The following ZNF804B variants were observed in gnomAD, a reference collection of about 807,000 sequenced individuals.
ZNF804B encodes zinc finger protein 804B, also known as zinc finger 804B.
Under a neutral mutation model 101.4 loss-of-function variants are expected in ZNF804B, and 80 were observed. That is an observed-to-expected ratio of 0.79 (90% confidence interval 0.66 to 0.95). The LOEUF is 0.95. ZNF804B is among the 40% of genes least tolerant of loss of function. The pLI, the probability that ZNF804B is intolerant of heterozygous loss-of-function variation, is 0.00. For synonymous variants in ZNF804B, 622 were observed against 558.8 expected, an observed-to-expected ratio of 1.11 and a Z score of -1.59; for missense variants, 1,673 against 1,561.9, an observed-to-expected ratio of 1.07 and a Z score of -1.20.
intron 1 of ZNF804B, among the ~76,000 whole-genome samples, chr7:88,846,874 C>T (rs1791380477): frequency 1.3e-5 from 2 of 150,438 alleles, no homozygotes; most frequent in African/African-American, 4.9e-5. Context: ...TGTATATATA[C>T]ACATAAATAT....
intron 1 of ZNF804B, among the ~76,000 whole-genome samples, chr7:88,954,555 G>GC (rs10646255): frequency 0.43 from 64,004 of 148,468 alleles, 13,792 homozygotes; most frequent in East Asian, 0.54. Flanking sequence ...TCTAAAACAT[G>GC]CCCCCCCCCC....
intron 1 of ZNF804B, among the ~76,000 whole-genome samples, chr7:89,152,163 A>G (rs1790887359): frequency 1.3e-5 from 2 of 151,868 alleles, no homozygotes. Context: ...GAATTTTTCC[A>G]TCTATTTTAA....
At chr7:88,947,284 G>A (rs997218603) in intron 1 of ZNF804B, among the ~76,000 whole-genome samples, 4 of 152,038 alleles carry the variant, frequency 2.6e-5, no homozygotes, top group Non-Finnish European at 5.9e-5. Context: ...ATCAGTGATA[G>A]ACCGGATAGA....
intron 2 of ZNF804B, 126 bp downstream of exon 2, chr7:89,218,421 C>A: frequency 8.6e-7 from 1 of 1,162,102 alleles, no homozygotes; most frequent in South Asian, 1.6e-5. Flanking sequence ...GTCTTTTTTC[C>A]CCCCTGGAAA....
At chr7:89,321,879 A>G (rs567075125) in intron 2 of ZNF804B, among the ~76,000 whole-genome samples, 1 of 152,286 alleles carries the variant, frequency 6.6e-6, no homozygotes, top group African/African-American at 2.4e-5. Flanking sequence ...TACCAACACT[A>G]AGTAATAGAA....
intron 1 of ZNF804B, among the ~76,000 whole-genome samples, chr7:89,076,459 C>A (rs1789616429): frequency 1.3e-5 from 2 of 152,290 alleles, no homozygotes; most frequent in East Asian, 3.9e-4. Flanking sequence ...GATTCTGAGT[C>A]CTCCCCAGCC....
intron 1 of ZNF804B, among the ~76,000 whole-genome samples, chr7:89,031,506 T>C (rs1276564873): frequency 6.6e-6 from 1 of 152,094 alleles, no homozygotes; most frequent in East Asian, 1.9e-4. Context: ...TTGAACTTAA[T>C]TTCTAAGTGA....
At chr7:89,308,080 G>C (rs531463141) in intron 2 of ZNF804B, among the ~76,000 whole-genome samples, 1 of 152,076 alleles carries the variant, frequency 6.6e-6, no homozygotes, top group East Asian at 1.9e-4. Flanking sequence ...TCACTTGCAA[G>C]AAAAAAAGTG....
At chr7:89,324,607 CTTTT>C (rs35905388) in intron 2 of ZNF804B, among the ~76,000 whole-genome samples, 1 of 109,564 alleles carries the variant, frequency 9.1e-6, no homozygotes. Context: ...TACCTTCTTA[CTTTT>C]TTTTTTTTTT....
intron 1 of ZNF804B, among the ~76,000 whole-genome samples, chr7:88,770,784 C>A (rs955448605): frequency 5.9e-5 from 9 of 151,894 alleles, no homozygotes; most frequent in African/African-American, 1.9e-4. Flanking sequence ...GAAGAGCTCT[C>A]TGTTCAACAT....
At chr7:89,106,772 T>G (rs1201247965) in intron 1 of ZNF804B, among the ~76,000 whole-genome samples, 2 of 152,090 alleles carry the variant, frequency 1.3e-5, no homozygotes, top group African/African-American at 4.8e-5. Flanking sequence ...TGATATGTTT[T>G]AGAATACAAA....
intron 1 of ZNF804B, among the ~76,000 whole-genome samples, chr7:89,130,311 T>C (rs1445461774): frequency 6.6e-6 from 1 of 151,934 alleles, no homozygotes; most frequent in Non-Finnish European, 1.5e-5. Context: ...AAACAGAAGT[T>C]ACCCAGGAAA....
chr7:89,195,890 C>CA (rs200733795), intron 1 of ZNF804B, among the ~76,000 whole-genome samples: 1 of 63,930 alleles, frequency 1.6e-5, no homozygotes. Flanking sequence ...AACCACTGCT[C>CA]AAAAAATCAG....
chr7:89,327,298 A>G, intron 2 of ZNF804B, 46 bp from the exon 3 acceptor site: 1 of 1,521,894 alleles, frequency 6.6e-7, no homozygotes, highest in Admixed American at 2.2e-5. Flanking sequence ...GGAAAAGAAT[A>G]TATTATTTAT....
intron 1 of ZNF804B, among the ~76,000 whole-genome samples, chr7:88,957,044 A>C (rs1299103733): frequency 6.6e-6 from 1 of 151,500 alleles, no homozygotes; most frequent in Non-Finnish European, 1.5e-5. Flanking sequence ...TTTGAATTGC[A>C]ACTGAATGAA....
intron 1 of ZNF804B, among the ~76,000 whole-genome samples, chr7:89,019,832 C>T (rs1788635117): frequency 6.6e-6 from 1 of 151,926 alleles, no homozygotes; most frequent in South Asian, 2.1e-4. Context: ...CATAACTTCA[C>T]TTTATATGTT....
At chr7:89,293,656 G>A (rs1790333028) in intron 2 of ZNF804B, among the ~76,000 whole-genome samples, 1 of 152,018 alleles carries the variant, frequency 6.6e-6, no homozygotes, top group South Asian at 2.1e-4. Flanking sequence ...CTGGTGGCAG[G>A]CACCTGTAGT....
At chr7:88,771,253 G>A (rs1790056847) in intron 1 of ZNF804B, among the ~76,000 whole-genome samples, 1 of 152,020 alleles carries the variant, frequency 6.6e-6, no homozygotes, top group African/African-American at 2.4e-5. Flanking sequence ...TAAATAAAAT[G>A]TGATGTATGA....
chr7:88,798,543 C>T (rs1284673067), intron 1 of ZNF804B, among the ~76,000 whole-genome samples: 2 of 151,978 alleles, frequency 1.3e-5, no homozygotes, highest in African/African-American at 4.8e-5. Context: ...ATTCCATTTT[C>T]CCAATGTAAT....
Sources: gnomAD v4.1 joint callset for allele counts (sites outside exome capture counted in the v4.1 genomes callset) on GRCh38, gnomAD v4.1.1 for gene constraint, MANE v1.5 for transcripts, NCBI Gene and HGNC (gene_info 2026-07-23, HGNC 2026-07-21) for gene names.